ATE1: variants seen among roughly 807,000 people sequenced by gnomAD.
ATE1 encodes arginyl-tRNA--protein transferase 1.
A neutral mutation model predicts 70.5 loss-of-function variants in ATE1; 36 were observed. The ratio of observed to expected loss-of-function variants is 0.51; its 90% confidence interval spans 0.39 to 0.67. The LOEUF (loss-of-function observed/expected upper bound fraction) is 0.67. Among genes scored for constraint, ATE1 ranks in the 30% least tolerant of loss-of-function variants. The pLI, the probability that ATE1 is intolerant of heterozygous loss-of-function variation, is 0.00. For synonymous variants in ATE1, 232 were observed against 219.3 expected (o/e 1.06, Z -0.51); for missense variants, 593 against 629.5 (o/e 0.94, Z 0.62).
chr10:121,763,257 G>T (rs899663256), intron 11 of ATE1, among the ~76,000 whole-genome samples: 12 of 152,000 alleles, frequency 7.9e-5, no homozygotes, highest in Non-Finnish European at 1.5e-4. Context: ...TGCGCTTCTT[G>T]GTATTGATCC....
intron 10 of ATE1, among the ~76,000 whole-genome samples, chr10:121,790,698 G>A (rs1165479628): frequency 6.6e-6 from 1 of 152,044 alleles, no homozygotes; most frequent in Non-Finnish European, 1.5e-5. Context: ...TTTCAACATG[G>A]AATTTCACTA....
chr10:121,779,992 A>T (rs1945913617), intron 11 of ATE1, among the ~76,000 whole-genome samples: 1 of 152,136 alleles, frequency 6.6e-6, no homozygotes, highest in Non-Finnish European at 1.5e-5. Flanking sequence ...TCATCTGCTC[A>T]GTCATTATAT....
intron 5 of ATE1, 64 bp downstream of exon 5, chr10:121,910,842 G>A: frequency 3.7e-6 from 6 of 1,607,766 alleles, no homozygotes; most frequent in Non-Finnish European, 4.2e-6. Context: ...AAGACCCAGG[G>A]TTTAAAATGA....
intron 8 of ATE1, among the ~76,000 whole-genome samples, chr10:121,869,766 A>G (rs1489972271): frequency 6.6e-6 from 1 of 152,238 alleles, no homozygotes; most frequent in African/African-American, 2.4e-5. Flanking sequence ...ATTCAGAAAG[A>G]AAATATACTT....
chr10:121,851,204 G>C (rs569261823), intron 8 of ATE1, among the ~76,000 whole-genome samples: 93 of 147,810 alleles, frequency 6.3e-4, no homozygotes, highest in Non-Finnish European at 1.1e-3. Flanking sequence ...CAGATCGCTT[G>C]AGTCCAGGAG....
intron 10 of ATE1, among the ~76,000 whole-genome samples, 188 bp downstream of exon 10, chr10:121,836,530 G>A (rs1948439272): frequency 6.6e-6 from 1 of 152,080 alleles, no homozygotes; most frequent in African/African-American, 2.4e-5. Context: ...ATAATGCAAT[G>A]GATTACAAGA....
At chr10:121,777,126 G>A (rs569508715) in intron 11 of ATE1, among the ~76,000 whole-genome samples, 1 of 152,358 alleles carries the variant, frequency 6.6e-6, no homozygotes, top group East Asian at 1.9e-4. Flanking sequence ...TTCACATACA[G>A]TGAAACTGAG....
At chr10:121,756,248 G>C (rs1251526784) in intron 11 of ATE1, among the ~76,000 whole-genome samples, 3 of 152,234 alleles carry the variant, frequency 2.0e-5, no homozygotes, top group African/African-American at 7.2e-5. Flanking sequence ...TCTGATACAA[G>C]AGGTGGGTTC....
intron 8 of ATE1, among the ~76,000 whole-genome samples, chr10:121,841,703 G>C (rs924118560): frequency 3.9e-5 from 6 of 152,126 alleles, no homozygotes; most frequent in Non-Finnish European, 8.8e-5. Context: ...ACTTATAAGA[G>C]GGAGCTAAGC....
At chr10:121,777,064 A>C (rs1016721533) in intron 11 of ATE1, among the ~76,000 whole-genome samples, 2 of 152,258 alleles carry the variant, frequency 1.3e-5, no homozygotes, top group Non-Finnish European at 2.9e-5. Flanking sequence ...TTAAAGATTC[A>C]GAGGTCATAA....
chr10:121,917,707 C>A (rs760789884), intron 3 of ATE1, among the ~76,000 whole-genome samples: 4 of 151,792 alleles, frequency 2.6e-5, no homozygotes, highest in African/African-American at 9.7e-5. Context: ...GATGAAAAAC[C>A]AAAAGAATTA....
chr10:121,861,861 C>G (rs570458478), intron 8 of ATE1, among the ~76,000 whole-genome samples: 1 of 152,248 alleles, frequency 6.6e-6, no homozygotes, highest in Non-Finnish European at 1.5e-5. Flanking sequence ...TTAACAACAA[C>G]AATGTACTCC....
intron 10 of ATE1, among the ~76,000 whole-genome samples, chr10:121,795,673 T>C (rs949290669): frequency 3.9e-5 from 6 of 152,344 alleles, no homozygotes; most frequent in Non-Finnish European, 8.8e-5. Flanking sequence ...TTTCAGATAT[T>C]CTCACAAGCC....
At chr10:121,847,384 G>C (rs561185221) in intron 8 of ATE1, among the ~76,000 whole-genome samples, 2 of 152,040 alleles carry the variant, frequency 1.3e-5, no homozygotes, top group Non-Finnish European at 2.9e-5. Context: ...GGAGGCGGAG[G>C]TTGCAGTGAG....
chr10:121,784,690 C>A (rs932517150), intron 11 of ATE1, among the ~76,000 whole-genome samples: 2 of 152,116 alleles, frequency 1.3e-5, no homozygotes, highest in African/African-American at 4.8e-5. Flanking sequence ...GAAACCCCAT[C>A]TCTACTAAAA....
chr10:121,871,351 TG>T (rs1349093407), intron 7 of ATE1, among the ~76,000 whole-genome samples: 2 of 151,908 alleles, frequency 1.3e-5, no homozygotes, highest in Non-Finnish European at 2.9e-5. Context: ...CCCAGCTACT[TG>T]GGAGGCTGAG....
At chr10:121,866,046 T>C (rs544960703) in intron 8 of ATE1, among the ~76,000 whole-genome samples, 1 of 152,352 alleles carries the variant, frequency 6.6e-6, no homozygotes, top group South Asian at 2.1e-4. Flanking sequence ...AGGTGCTGGG[T>C]ATAGACCATA....
At chr10:121,781,662 G>GACA (rs1405943516) in intron 11 of ATE1, among the ~76,000 whole-genome samples, 21 of 152,294 alleles carry the variant, frequency 1.4e-4, no homozygotes, top group Non-Finnish European at 2.5e-4. Flanking sequence ...CTTTTGGAGA[G>GACA]AAACTAAGCT....
At chr10:121,816,383 G>C (rs1416023627) in intron 10 of ATE1, among the ~76,000 whole-genome samples, 1 of 152,118 alleles carries the variant, frequency 6.6e-6, no homozygotes, top group Non-Finnish European at 1.5e-5. Flanking sequence ...GGTATTAAGA[G>C]GTGTGGCCTT....
Sources: gnomAD v4.1 joint callset for allele counts (sites outside exome capture counted in the v4.1 genomes callset) on GRCh38, gnomAD v4.1.1 for gene constraint, MANE v1.5 for transcripts, NCBI Gene and HGNC (gene_info 2026-07-23, HGNC 2026-07-21) for gene names.